The following TPTE2 variants were observed in gnomAD, a reference collection of about 807,000 sequenced individuals.
The protein encoded by TPTE2 is phosphatidylinositol 3,4,5-trisphosphate 3-phosphatase TPTE2.
A neutral mutation model predicts 78.6 loss-of-function variants in TPTE2; 53 were observed. The observed-to-expected ratio is 0.67, with a 90% confidence interval of 0.54 to 0.85. The LOEUF is 0.85. Ranked by LOEUF, TPTE2 falls within the 40% of genes least tolerant of loss-of-function variation. TPTE2 has a pLI of 0.00. For missense variants in TPTE2, 461 were observed against 623.0 expected (o/e 0.74, Z 2.77); for synonymous variants, 175 against 206.2 (o/e 0.85, Z 1.30).
chr13:19,514,899 G>T (rs978343120), intron 1 of TPTE2, among the ~76,000 whole-genome samples: 1 of 151,856 alleles, frequency 6.6e-6, no homozygotes, highest in East Asian at 1.9e-4. Context: ...TCCTAGCACC[G>T]AAACCCCTGG....
At chr13:19,501,695 A>G in intron 1 of TPTE2, among the ~76,000 whole-genome samples, 1 of 151,648 alleles carries the variant, frequency 6.6e-6, no homozygotes, top group Non-Finnish European at 1.5e-5. Context: ...AAACCATAAA[A>G]ACCCTAGAAG....
Position 19,486,503 on chromosome 13 carries a change from G to T in TPTE2, c.120-3956C>A, listed in dbSNP as rs1880671013. 6.6e-6 allele frequency among the ~76,000 whole-genome samples: 1 copy of T among 152,218 alleles called. No homozygotes were observed. Among genetic ancestry groups the T allele is most frequent in the Non-Finnish European group, 1.5e-5 (1 of 68,042 alleles). ...GGATGCAGTTGCTCAACCAGGGCATGACTGCCAGATGTGCTTTGCAGGACA... is the reference window on the plus strand; with the variant it reads ...GGATGCAGTTGCTCAACCAGGGCATTACTGCCAGATGTGCTTTGCAGGACA... On this transcript the variant is annotated intron_variant, in intron 3 of 19. Transcript: ENST00000400230. This position sits in a 1 kb window ranked among gnomAD's most constrained non-coding sequence, Gnocchi z 4.3.
rs544308616 is a variant in TPTE2 at position 19,434,361 on chromosome 13, C to T, written c.1117-1783G>A. 1.1e-4 allele frequency among the ~76,000 whole-genome samples: 16 copies of T among 152,274 alleles called. No homozygotes were observed. In the South Asian group the frequency reaches 2.7e-3, roughly 26 times the overall value. On this transcript the variant is annotated intron_variant, in intron 15 of 19. Coordinates refer to ENST00000400230, the Ensembl canonical transcript of TPTE2. Reference sequence around the variant, plus strand: ...CAAGTGTCCATAGGCTGGGAAAGAGCGCACAGTCTAAATGTGTTGGAGTAT... The same window carrying T: ...CAAGTGTCCATAGGCTGGGAAAGAGTGCACAGTCTAAATGTGTTGGAGTAT...
At chr13:19,475,802 GT>G (rs1879900985) in intron 4 of TPTE2, among the ~76,000 whole-genome samples, 179 bp from the exon 8 acceptor site, 1 of 152,066 alleles carries the variant, frequency 6.6e-6, no homozygotes, top group African/African-American at 2.4e-5. Context: ...TATTTTACTT[GT>G]TTACTATGCT....
At chr13:19,487,791 C>T (rs906238702) in intron 3 of TPTE2, among the ~76,000 whole-genome samples, 55 of 152,274 alleles carry the variant, frequency 3.6e-4, no homozygotes, top group African/African-American at 1.2e-3. Context: ...CAAGATGGTG[C>T]TGTGTTGCTG....
chr13:19,560,682 T>G, the TPTE2 span: 87 of 1,504,086 alleles, frequency 5.8e-5, no homozygotes, highest in Non-Finnish European at 7.5e-5. Flanking sequence ...CAACCACCAT[T>G]AGATGAGACA....
intron 7 of TPTE2, 49 bp from the exon 11 acceptor site, chr13:19,465,613 A>G: frequency 6.9e-7 from 1 of 1,456,982 alleles, no homozygotes. Flanking sequence ...ACAGAATTTT[A>G]TCAATATAAA....
intron 1 of TPTE2, among the ~76,000 whole-genome samples, chr13:19,496,991 T>C (rs867267303): frequency 4.6e-5 from 7 of 152,048 alleles, no homozygotes; most frequent in African/African-American, 7.2e-5. Context: ...ACTTGGGAAG[T>C]GCAAGGGGTC....
At chr13:19,465,190 A>G (rs1389027804) in intron 9 of TPTE2, 65 bp downstream of exon 12, 63 of 1,600,104 alleles carry the variant, frequency 3.9e-5, no homozygotes, top group Non-Finnish European at 5.1e-5. Flanking sequence ...TAGATGAGGC[A>G]AAAAAATACA....
chr13:19,426,495 T>G (rs1465671223), exon 18 of TPTE2: 39 of 1,588,780 alleles, frequency 2.5e-5, no homozygotes, highest in Admixed American at 1.0e-4. Context: ...TAATATTTTG[T>G]CTGTTTCAAT....
intron 4 of TPTE2, among the ~76,000 whole-genome samples, chr13:19,478,329 C>T (rs1387316241): frequency 6.6e-6 from 1 of 152,086 alleles, no homozygotes; most frequent in Admixed American, 6.6e-5. Context: ...AAACAAACAA[C>T]CCCATCAAAA....
At chr13:19,479,778 A>G (rs9506045) in intron 4 of TPTE2, among the ~76,000 whole-genome samples, 87,347 of 151,830 alleles carry the variant, frequency 0.58, 29,572 homozygotes, top group East Asian at 0.91. Flanking sequence ...CCTGGCCAAC[A>G]TGGTGAAACT....
At chr13:19,429,462 C>T (rs1236089998) in intron 17 of TPTE2, among the ~76,000 whole-genome samples, 3 of 152,208 alleles carry the variant, frequency 2.0e-5, no homozygotes, top group South Asian at 4.1e-4. Flanking sequence ...TCCTTGATAA[C>T]TGAGACTGGC....
chr13:19,501,533 G>C (rs1254971588), intron 1 of TPTE2, among the ~76,000 whole-genome samples: 1 of 147,908 alleles, frequency 6.8e-6, no homozygotes, highest in Non-Finnish European at 1.5e-5. Flanking sequence ...ACAAACCTGA[G>C]AAAAACAAGC....
At chr13:19,529,781 T>C (rs1396860410) in intron 1 of TPTE2, among the ~76,000 whole-genome samples, 1 of 152,178 alleles carries the variant, frequency 6.6e-6, no homozygotes. Context: ...CCCTTTGTGA[T>C]CCTGGAAACA....
chr13:19,534,069 G>GT (rs1871054080), intron 1 of TPTE2, among the ~76,000 whole-genome samples: 1 of 152,192 alleles, frequency 6.6e-6, no homozygotes, highest in South Asian at 2.1e-4. Context: ...GGAAAATATT[G>GT]TAAGTCAAGT....
chr13:19,547,437 G>A, the TPTE2 span, among the ~76,000 whole-genome samples: 1 of 151,964 alleles, frequency 6.6e-6, no homozygotes, highest in Admixed American at 6.6e-5. Context: ...GGTTGGAGTG[G>A]GTCAACTGGC....
intron 13 of TPTE2, 33 bp downstream of exon 16, chr13:19,450,043 G>A (rs1453652920): frequency 6.2e-7 from 1 of 1,607,552 alleles, no homozygotes; most frequent in Non-Finnish European, 8.5e-7. Flanking sequence ...CATGTCTTTA[G>A]AAAGGGAAAA....
intron 1 of TPTE2, among the ~76,000 whole-genome samples, chr13:19,495,376 G>C (rs1180030493): frequency 1.3e-5 from 2 of 152,050 alleles, no homozygotes; most frequent in Admixed American, 6.6e-5. Flanking sequence ...TCTCCTTCTC[G>C]CTGCAAGCAG....
Sources: gnomAD v4.1 joint callset for allele counts (sites outside exome capture counted in the v4.1 genomes callset) on GRCh38, gnomAD v4.1.1 for gene constraint, Gnocchi (gnomAD v3.1) non-coding constraint, MANE v1.5 for transcripts, NCBI Gene and HGNC (gene_info 2026-07-23, HGNC 2026-07-21) for gene names.